The following ATRX variants were observed in gnomAD, a reference collection of about 807,000 sequenced individuals.
ATRX encodes ATRX chromatin remodeler, also known as chromatin remodeler ATRX.
In ATRX, 12 loss-of-function variants were observed where a neutral mutation model predicts 172.6. The ratio of observed to expected loss-of-function variants is 0.07; its 90% CI spans 0.04 to 0.11. The LOEUF (loss-of-function observed/expected upper bound fraction) is 0.11, where lower values mean the gene tolerates loss of function less well. Ranked by LOEUF, ATRX falls within the 10% of genes least tolerant of loss-of-function variation. The pLI, the probability that ATRX is intolerant of heterozygous loss-of-function variation, is 1.00. For missense variants in ATRX, 1,368 were observed against 1,767.4 expected, an observed-to-expected ratio of 0.77 and a Z score of 4.05; for synonymous variants, 674 against 594.7, an observed-to-expected ratio of 1.13 and a Z score of -1.94.
At position 77,618,796 on chromosome X, in the gene ATRX, A is replaced by G. The variant is rs781958851; in HGVS notation, c.5448+10T>C. The G allele has an allele frequency of 8.3e-7, 1 of 1,198,501 alleles. No individual in the cohort carries two copies. Among genetic ancestry groups the G allele is most frequent in the Non-Finnish European group, 1.1e-6 (1 of 883,651 alleles). On this transcript the variant is annotated intron_variant, in intron 21 of 34. Transcript: ENST00000373344. ...TAAGAATATTTTATTACTATGGAAC[A>G]TATTTGTACCTGAACACATCCAGCT...
chrX:77,560,169 T>G (rs2064967664), intron 28 of ATRX, among the ~76,000 whole-genome samples: 1 of 111,311 alleles, frequency 9.0e-6, no homozygotes, highest in Admixed American at 9.6e-5. Context: ...CTTGTAAAAC[T>G]ATCTGTTTTT....
chrX:77,763,705 G>A (rs1039797642), intron 1 of ATRX, among the ~76,000 whole-genome samples: 4 of 108,814 alleles, frequency 3.7e-5, no homozygotes, highest in Non-Finnish European at 1.9e-5. Context: ...TCCTGACCTC[G>A]TGATCTACCT....
chrX:77,594,723 C>T (rs1265607279), intron 25 of ATRX: 1 of 111,594 alleles, frequency 9.0e-6, no homozygotes, highest in Non-Finnish European at 1.9e-5. Context: ...TCTTTCCTTC[C>T]TTCCTTTCCA....
intron 6 of ATRX, 37 bp downstream of exon 6, chrX:77,693,787 C>A (rs2072036648): frequency 9.4e-7 from 1 of 1,067,311 alleles, no homozygotes; most frequent in African/African-American, 1.8e-5. Context: ...TCATAAACAG[C>A]AATTTAAATT....
chrX:77,581,913 A>C (rs2065837355), intron 27 of ATRX, among the ~76,000 whole-genome samples: 1 of 112,025 alleles, frequency 8.9e-6, no homozygotes. Context: ...TAAACAACAC[A>C]TTCCTGAATG....
chrX:77,642,059 A>C (rs1208347663), intron 15 of ATRX, among the ~76,000 whole-genome samples: 1 of 110,938 alleles, frequency 9.0e-6, no homozygotes, highest in Non-Finnish European at 1.9e-5. Flanking sequence ...AAAATTAGCA[A>C]TAGGGCATGC....
intron 4 of ATRX, 110 bp downstream of exon 4, chrX:77,697,473 T>G: frequency 1.4e-6 from 1 of 713,619 alleles, no homozygotes. Flanking sequence ...TTGTATAGAA[T>G]AGTTAACTCA....
intron 10 of ATRX, chrX:77,675,154 G>A (rs1393055936): frequency 8.9e-6 from 1 of 111,966 alleles, no homozygotes; most frequent in African/African-American, 3.2e-5. Context: ...AATTATGACA[G>A]AAAATTACAT....
chrX:77,734,314 A>G (rs936827059), intron 1 of ATRX, among the ~76,000 whole-genome samples: 3 of 111,338 alleles, frequency 2.7e-5, no homozygotes, highest in African/African-American at 9.8e-5. Flanking sequence ...GCTACTCAGG[A>G]GGCTGAGGCA....
chrX:77,639,190 C>T (rs968368060), intron 15 of ATRX, among the ~76,000 whole-genome samples: 54 of 111,694 alleles, frequency 4.8e-4, no homozygotes, highest in Admixed American at 6.7e-4. Context: ...GGCTATCATT[C>T]GCATAATTGG....
At chrX:77,579,834 T>C (rs1335132362) in intron 27 of ATRX, among the ~76,000 whole-genome samples, 1 of 111,190 alleles carries the variant, frequency 9.0e-6, no homozygotes, top group Non-Finnish European at 1.9e-5. Context: ...ATCGGGAAAA[T>C]CCGGGAAAGA....
At position 77,683,050 on chromosome X, in the gene ATRX, C is replaced by T. The variant is rs2148604214; in HGVS notation, c.2206G>A (p.Ala736Thr). ...DQNSDSDEMLAILKEVSRMSH... is the reference protein window; with the variant it reads ...DQNSDSDEMLTILKEVSRMSH... ...ATCCTGCTCACCTCTTTGAGGATTG[C>T]TAGCATTTCATCAGAATCTGAATTT... Residue 736 changes from alanine (A) to threonine (T), a missense_variant, in exon 9 of 35, where the codon GCA (alanine) becomes ACA (threonine). Transcript: ENST00000373344. 1.7e-6 allele frequency: 2 copies of T among 1,210,598 alleles called. No homozygotes were observed. The highest frequency in any genetic ancestry group is 2.2e-6 in the Non-Finnish European group (2 of 894,822).
At chrX:77,708,024 T>C (rs1221208410) in intron 2 of ATRX, among the ~76,000 whole-genome samples, 1 of 112,068 alleles carries the variant, frequency 8.9e-6, no homozygotes, top group Non-Finnish European at 1.9e-5. Flanking sequence ...GTTTGACATT[T>C]CCTCAAACAA....
chrX:77,701,866 G>C (rs2072540020), intron 2 of ATRX, among the ~76,000 whole-genome samples: 1 of 111,231 alleles, frequency 9.0e-6, no homozygotes, highest in African/African-American at 3.3e-5. Flanking sequence ...CGGAGTTCAA[G>C]ACCAGCCTAG....
intron 12 of ATRX, among the ~76,000 whole-genome samples, chrX:77,662,687 A>AT (rs572509462): frequency 4.3e-4 from 45 of 105,487 alleles, no homozygotes; most frequent in South Asian, 1.2e-3. Context: ...ATATGCTTAA[A>AT]TTTTTTTTTT....
chrX:77,637,967 A>G (rs1384367096), intron 15 of ATRX, among the ~76,000 whole-genome samples: 6 of 108,657 alleles, frequency 5.5e-5, no homozygotes, highest in African/African-American at 2.0e-4. Context: ...AAACACAAAC[A>G]AACAAAAAAA....
intron 28 of ATRX, among the ~76,000 whole-genome samples, chrX:77,569,709 G>A (rs1042595907): frequency 2.7e-5 from 3 of 111,914 alleles, no homozygotes; most frequent in Non-Finnish European, 5.6e-5. Flanking sequence ...TACAGGACCT[G>A]TATACTGAAA....
intron 2 of ATRX, among the ~76,000 whole-genome samples, chrX:77,699,280 C>T (rs782150602): frequency 9.0e-5 from 10 of 110,672 alleles, no homozygotes; most frequent in Middle Eastern, 4.6e-3. Context: ...ACTACAGGCG[C>T]GCACCACCAC....
chrX:77,640,197 C>G (rs45542532), intron 15 of ATRX, among the ~76,000 whole-genome samples: 1,256 of 111,541 alleles, frequency 0.011, 7 homozygotes, highest in Non-Finnish European at 0.017. Flanking sequence ...AGGAAGAGGG[C>G]ATAGGCTGAA....
Sources: gnomAD v4.1 joint callset for allele counts (sites outside exome capture counted in the v4.1 genomes callset) on GRCh38, gnomAD v4.1.1 for gene constraint, MANE v1.5 for transcripts, NCBI Gene and HGNC (gene_info 2026-07-23, HGNC 2026-07-21) for gene names.